Variants in SIPA1L1 observed in about 807,000 individuals in gnomAD.
SIPA1L1 encodes the protein signal induced proliferation associated 1 like 1, also known as signal-induced proliferation-associated 1-like protein 1.
SIPA1L1 carries 26 observed loss-of-function variants against 162.7 expected under a neutral mutation model. That is an observed-to-expected ratio of 0.16 (90% confidence interval 0.12 to 0.22). The LOEUF (loss-of-function observed/expected upper bound fraction) is 0.22, where lower values mean the gene tolerates loss of function less well. Among genes scored for constraint, SIPA1L1 ranks in the 10% least tolerant of loss-of-function variants. The pLI is 1.00. For missense variants in SIPA1L1, 1,874 were observed against 2,241.0 expected (o/e 0.84, Z 3.31); for synonymous variants, 829 against 837.4 (o/e 0.99, Z 0.17).
intron 2 of SIPA1L1, among the ~76,000 whole-genome samples, chr14:71,425,438 T>C (rs1015685836): frequency 2.0e-5 from 3 of 152,154 alleles, no homozygotes; most frequent in African/African-American, 7.2e-5. Flanking sequence ...TCTTAAGTAT[T>C]TTCTAATTTC....
chr14:71,510,387 T>G (rs1327473727), intron 2 of SIPA1L1, among the ~76,000 whole-genome samples: 1 of 151,656 alleles, frequency 6.6e-6, no homozygotes, highest in Non-Finnish European at 1.5e-5. Context: ...AGGGTTTCAT[T>G]ATGTTGGCTG....
intron 12 of SIPA1L1, 89 bp from the exon 13 acceptor site, chr14:71,685,272 AT>A: frequency 7.2e-7 from 1 of 1,398,400 alleles, no homozygotes; most frequent in East Asian, 2.3e-5. Flanking sequence ...TTGTGGATCC[AT>A]TTTTAAGTGT....
intron 2 of SIPA1L1, among the ~76,000 whole-genome samples, chr14:71,505,895 A>C (rs543516733): frequency 9.9e-5 from 15 of 152,250 alleles, no homozygotes; most frequent in African/African-American, 3.6e-4. Flanking sequence ...ATGAAACATA[A>C]ATGAATTTTC....
intron 2 of SIPA1L1, among the ~76,000 whole-genome samples, chr14:71,429,725 A>G (rs540523584): frequency 4.6e-4 from 70 of 152,248 alleles, no homozygotes; most frequent in African/African-American, 1.6e-3. Flanking sequence ...TTAGTCCTAT[A>G]TGTTTATATG....
At chr14:71,396,264 G>A (rs2041192919) in intron 2 of SIPA1L1, among the ~76,000 whole-genome samples, 1 of 152,112 alleles carries the variant, frequency 6.6e-6, no homozygotes. Context: ...CTGCCCTCTT[G>A]AAGTTTATAC....
At chr14:71,364,741 A>G (rs1390354317) in intron 2 of SIPA1L1, among the ~76,000 whole-genome samples, 1 of 143,466 alleles carries the variant, frequency 7.0e-6, no homozygotes, top group African/African-American at 2.5e-5. Flanking sequence ...ATTCCAGCAG[A>G]ACATCAATTT....
chr14:71,408,798 G>C (rs2140240348), intron 2 of SIPA1L1, among the ~76,000 whole-genome samples: 1 of 152,304 alleles, frequency 6.6e-6, no homozygotes, highest in Admixed American at 6.5e-5. Flanking sequence ...TTTTCTCTGT[G>C]TTGAGGAAGG....
Position 71,526,229 on chromosome 14 carries a change from A to C in SIPA1L1, c.-361-3083A>C, listed in dbSNP as rs562150832. 2.6e-5 allele frequency among the ~76,000 whole-genome samples: 4 copies of C among 152,350 alleles called. No homozygotes were observed. The East Asian group carries it at 7.7e-4, about 29-fold the overall frequency. ...TATTCAGAATGAAGACAAGTACATC[A>C]TAAATTTATACCTTAATGAATTTTT... On this transcript the variant is annotated intron_variant, in intron 3 of 23. Coordinates refer to ENST00000381232, the MANE Select transcript of SIPA1L1 (RefSeq NM_001386936.1).
At chr14:71,525,418 C>T (rs1002179814) in intron 3 of SIPA1L1, among the ~76,000 whole-genome samples, 8 of 152,074 alleles carry the variant, frequency 5.3e-5, no homozygotes, top group African/African-American at 1.4e-4. Context: ...CTCCTGACCT[C>T]GTGATCCACC....
intron 6 of SIPA1L1, among the ~76,000 whole-genome samples, chr14:71,619,625 C>G (rs2039210671): frequency 6.6e-6 from 1 of 151,918 alleles, no homozygotes; most frequent in Non-Finnish European, 1.5e-5. Context: ...ATAATTGGGC[C>G]ACTTATCGAT....
intron 12 of SIPA1L1, among the ~76,000 whole-genome samples, chr14:71,673,924 A>T (rs1401670294): frequency 6.6e-6 from 1 of 152,164 alleles, no homozygotes; most frequent in African/African-American, 2.4e-5. Flanking sequence ...TAATGTGCTG[A>T]ACTGTGATTT....
At chr14:71,545,959 G>C (rs1309765084) in intron 4 of SIPA1L1, among the ~76,000 whole-genome samples, 1 of 152,054 alleles carries the variant, frequency 6.6e-6, no homozygotes, top group African/African-American at 2.4e-5. Flanking sequence ...AATTAGCCAG[G>C]ATTGATAGCA....
chr14:71,552,770 A>C (rs1356551602), intron 4 of SIPA1L1, among the ~76,000 whole-genome samples: 1 of 152,098 alleles, frequency 6.6e-6, no homozygotes, highest in Non-Finnish European at 1.5e-5. Context: ...CATTCCATAC[A>C]TCAGTCTGTG....
At chr14:71,619,127 A>G (rs1418988929) in intron 6 of SIPA1L1, among the ~76,000 whole-genome samples, 1 of 152,078 alleles carries the variant, frequency 6.6e-6, no homozygotes, top group Non-Finnish European at 1.5e-5. Context: ...TGATTCAGAG[A>G]AAGATATGTC....
At chr14:71,700,953 C>T (rs183361429) in intron 14 of SIPA1L1, among the ~76,000 whole-genome samples, 51 of 142,620 alleles carry the variant, frequency 3.6e-4, no homozygotes, top group Non-Finnish European at 5.6e-4. Flanking sequence ...CGAGATTGCG[C>T]CACTGCACTC....
At chr14:71,547,751 T>C (rs938535515) in intron 4 of SIPA1L1, among the ~76,000 whole-genome samples, 1 of 152,210 alleles carries the variant, frequency 6.6e-6, no homozygotes, top group Admixed American at 6.5e-5. Context: ...AGCAGACCCT[T>C]TCCTTAAATA....
chr14:71,415,765 T>A (rs980188007), intron 2 of SIPA1L1, among the ~76,000 whole-genome samples: 7 of 152,144 alleles, frequency 4.6e-5, no homozygotes, highest in African/African-American at 1.7e-4. Flanking sequence ...TGGCATGATC[T>A]CGGCTCACTG....
At chr14:71,722,430 C>T (rs1197810372) in intron 17 of SIPA1L1, among the ~76,000 whole-genome samples, 3 of 152,164 alleles carry the variant, frequency 2.0e-5, no homozygotes, top group African/African-American at 4.8e-5. Context: ...CATCGAGGAA[C>T]GCTTTGGGAC....
At chr14:71,690,434 GAC>G (rs1423670784) in intron 13 of SIPA1L1, among the ~76,000 whole-genome samples, 1 of 151,876 alleles carries the variant, frequency 6.6e-6, no homozygotes, top group African/African-American at 2.4e-5. Context: ...TTTTTATAGA[GAC>G]AGTGTCTCAC....
Sources: allele counts gnomAD v4.1 joint callset (sites outside exome capture counted in the v4.1 genomes callset), GRCh38; gene constraint gnomAD v4.1.1; transcripts MANE v1.5; gene names NCBI Gene and HGNC (gene_info 2026-07-23, HGNC 2026-07-21).